The following OPCML variants were observed in gnomAD, a reference collection of about 807,000 sequenced individuals.
OPCML encodes the protein opioid binding protein/cell adhesion molecule like.
OPCML carries 13 observed loss-of-function variants against 37.8 expected under a neutral mutation model. That is an observed-to-expected ratio of 0.34 (90% CI 0.22 to 0.55). OPCML has a LOEUF of 0.55. OPCML is among the 20% of genes least tolerant of loss of function. The pLI is 0.91. For synonymous variants in OPCML, 176 were observed against 168.8 expected, an observed-to-expected ratio of 1.04 and a Z score of -0.33; for missense variants, 341 against 435.6, an observed-to-expected ratio of 0.78 and a Z score of 1.93.
chr11:132,784,280 A>C (rs1947130150), intron 2 of OPCML, among the ~76,000 whole-genome samples: 1 of 152,078 alleles, frequency 6.6e-6, no homozygotes, highest in Non-Finnish European at 1.5e-5. Context: ...AACTTCCCTA[A>C]ATTTTGGACC....
intron 1 of OPCML, among the ~76,000 whole-genome samples, chr11:133,309,205 A>G (rs1943009568): frequency 6.6e-6 from 1 of 152,236 alleles, no homozygotes. Flanking sequence ...TGTGCAATGA[A>G]GAATTCTGGC....
At chr11:133,509,524 C>A (rs1275687186) in intron 1 of OPCML, among the ~76,000 whole-genome samples, 1 of 152,164 alleles carries the variant, frequency 6.6e-6, no homozygotes, top group Non-Finnish European at 1.5e-5. Flanking sequence ...AGCCCTTCTG[C>A]AACTTGGCGG....
intron 4 of OPCML, among the ~76,000 whole-genome samples, chr11:132,447,464 AT>A (rs537083917): frequency 0.17 from 23,693 of 142,356 alleles, 3,227 homozygotes; most frequent in African/African-American, 0.38. Context: ...TGCCCAGTTA[AT>A]TTTTTTTTTT....
chr11:133,211,222 T>C lies in OPCML; in HGVS notation c.62-268212A>G, dbSNP rs914641187. 6.6e-6 allele frequency among the ~76,000 whole-genome samples: 1 copy of C among 152,178 alleles called. No homozygotes were observed. Among genetic ancestry groups the C allele is most frequent in the Non-Finnish European group, 1.5e-5 (1 of 68,032 alleles). Reference sequence around the variant, plus strand: ...TCCCTCAGGTTCTGCTTTCTGGTGATGGTTTCCTGGGTCCCAGTGAGTGAG... The same window carrying C: ...TCCCTCAGGTTCTGCTTTCTGGTGACGGTTTCCTGGGTCCCAGTGAGTGAG... On this transcript the variant is annotated intron_variant, in intron 1 of 7. Transcript: ENST00000524381. This position sits in a 1 kb window ranked among gnomAD's most constrained non-coding sequence, Gnocchi z 4.1.
intron 1 of OPCML, among the ~76,000 whole-genome samples, chr11:132,952,347 G>A (rs549502828): frequency 3.3e-5 from 5 of 152,240 alleles, no homozygotes; most frequent in Non-Finnish European, 7.3e-5. Flanking sequence ...ACATACCACA[G>A]AACACAACAC....
At chr11:132,741,470 C>T (rs959330106) in intron 2 of OPCML, among the ~76,000 whole-genome samples, 1 of 152,112 alleles carries the variant, frequency 6.6e-6, no homozygotes, top group African/African-American at 2.4e-5. Context: ...CATCAAGTGG[C>T]ATGACTCGAC....
intron 1 of OPCML, among the ~76,000 whole-genome samples, chr11:133,181,581 C>T (rs531677757): frequency 6.6e-6 from 1 of 152,246 alleles, no homozygotes; most frequent in South Asian, 2.1e-4. Flanking sequence ...TTCCTTCCTC[C>T]TCAGAAATAC....
At chr11:133,322,720 C>G (rs776634665) in intron 1 of OPCML, among the ~76,000 whole-genome samples, 18 of 152,178 alleles carry the variant, frequency 1.2e-4, no homozygotes, top group Non-Finnish European at 7.3e-5. Context: ...CTTGATTACA[C>G]ATTTTCGCAT....
chr11:133,494,307 G>A (rs1348704979), intron 1 of OPCML, among the ~76,000 whole-genome samples: 1 of 151,776 alleles, frequency 6.6e-6, no homozygotes, highest in Non-Finnish European at 1.5e-5. Context: ...GTGGAAGTCA[G>A]TGTGGCGATT....
intron 1 of OPCML, chr11:133,365,762 T>C (rs562568195): frequency 6.6e-6 from 1 of 152,342 alleles, no homozygotes; most frequent in South Asian, 2.1e-4. Context: ...TTTGTGTTCA[T>C]GCTAGTCACC....
intron 1 of OPCML, among the ~76,000 whole-genome samples, chr11:133,336,188 G>A (rs1005252781): frequency 1.3e-5 from 2 of 152,196 alleles, no homozygotes; most frequent in Non-Finnish European, 2.9e-5. Context: ...ACAGCGTGCA[G>A]GACAAGAACT....
chr11:133,326,884 A>G (rs1943479443), intron 1 of OPCML, among the ~76,000 whole-genome samples: 2 of 115,132 alleles, frequency 1.7e-5, no homozygotes, highest in African/African-American at 3.4e-5. Flanking sequence ...GGGGGTGTAT[A>G]AGTGAGGGAG....
intron 1 of OPCML, chr11:133,422,850 C>T: frequency 1.1e-6 from 1 of 931,086 alleles, no homozygotes; most frequent in Non-Finnish European, 1.3e-6. Context: ...TAATTAAAAT[C>T]CTGATTCTAC....
intron 3 of OPCML, among the ~76,000 whole-genome samples, chr11:132,626,389 G>A (rs1053150086): frequency 3.3e-5 from 5 of 151,906 alleles, no homozygotes; most frequent in Non-Finnish European, 5.9e-5. Flanking sequence ...GGACAAAAAA[G>A]AAAAAGTAAG....
intron 4 of OPCML, among the ~76,000 whole-genome samples, chr11:132,475,492 G>T (rs73585041): frequency 0.011 from 1,740 of 152,226 alleles, 24 homozygotes; most frequent in African/African-American, 0.037. Context: ...GGCCATTAGG[G>T]TGGGCCAAAT....
intron 1 of OPCML, among the ~76,000 whole-genome samples, chr11:132,960,469 G>A (rs147488651): frequency 3.3e-5 from 5 of 152,260 alleles, no homozygotes; most frequent in African/African-American, 1.2e-4. Context: ...AGGTCAACAG[G>A]GGAACAGAAA....
chr11:133,054,169 A>G lies in OPCML; in HGVS notation c.62-111159T>C, dbSNP rs140303632. On this transcript the variant is annotated intron_variant, in intron 1 of 7. Coordinates refer to ENST00000524381, the MANE Select transcript of OPCML (RefSeq NM_001012393.5). ...CCCACCTGAGTCCAGGCATAGGACC[A>G]CTGCAGCAGGCTCTGACTGGCCCTG... is the stretch of plus-strand genomic sequence containing the variant. Among the ~76,000 whole-genome samples the G allele has an allele frequency of 3.7e-3, 570 of 152,250 alleles. 2 individuals carry two copies. The highest frequency in any genetic ancestry group is 5.6e-3 in the Non-Finnish European group (383 of 68,024).
In OPCML at chr11:132,587,991, C is replaced by A. The variant is rs140205636; in HGVS notation, c.380-58805G>T. 7.2e-5 allele frequency among the ~76,000 whole-genome samples: 11 copies of A among 152,262 alleles called. No homozygotes were observed. In the East Asian group the frequency reaches 2.1e-3, roughly 29 times the overall value. ...GTAGAAGTTATGGTTCCCAGAGGTG[C>A]AGGGCCTCCCCTTGGGGATACAGAA... On this transcript the variant is annotated intron_variant, in intron 3 of 7. Transcript: ENST00000524381.
intron 1 of OPCML, among the ~76,000 whole-genome samples, chr11:133,086,851 T>G (rs1205775343): frequency 6.6e-6 from 1 of 152,226 alleles, no homozygotes; most frequent in Admixed American, 6.5e-5. Context: ...TTTCTGTGTC[T>G]GGCTTATTTT....
Sources: gnomAD v4.1 joint callset for allele counts (sites outside exome capture counted in the v4.1 genomes callset) on GRCh38, gnomAD v4.1.1 for gene constraint, Gnocchi (gnomAD v3.1) non-coding constraint, MANE v1.5 for transcripts, NCBI Gene and HGNC (gene_info 2026-07-23, HGNC 2026-07-21) for gene names.